ITSN1: variants seen among roughly 807,000 people sequenced by gnomAD.
ITSN1 encodes the protein intersectin 1, also known as intersectin-1.
A neutral mutation model predicts 239.8 loss-of-function variants in ITSN1; 58 were observed. The ratio of observed to expected loss-of-function variants is 0.24; its 90% CI spans 0.20 to 0.30. ITSN1 has a LOEUF of 0.30. ITSN1 is among the 10% of genes least tolerant of loss of function. The pLI is 1.00. For missense variants in ITSN1, 1,558 were observed against 2,103.3 expected, an observed-to-expected ratio of 0.74 and a Z score of 5.07; for synonymous variants, 780 against 770.8, an observed-to-expected ratio of 1.01 and a Z score of -0.20.
At chr21:33,813,850 T>G in intron 21 of ITSN1, 63 bp from the exon 22 acceptor site, 6 of 1,394,690 alleles carry the variant, frequency 4.3e-6, no homozygotes, top group South Asian at 1.6e-5. Context: ...TACTTTACTG[T>G]GGGTAAAAAG....
At chr21:33,680,401 G>C (rs544197645) in intron 1 of ITSN1, among the ~76,000 whole-genome samples, 1 of 150,306 alleles carries the variant, frequency 6.7e-6, no homozygotes, top group Admixed American at 6.6e-5. Context: ...GCGCAATCTC[G>C]GCTCACTGCA....
intron 1 of ITSN1, among the ~76,000 whole-genome samples, chr21:33,717,397 A>G (rs904879164): frequency 1.3e-5 from 2 of 151,742 alleles, no homozygotes; most frequent in African/African-American, 4.8e-5. Context: ...GGGTTTTGCC[A>G]TGTTGCCCAG....
At chr21:33,751,962 T>A in intron 7 of ITSN1, 56 bp downstream of exon 7, 1 of 1,128,010 alleles carries the variant, frequency 8.9e-7, no homozygotes, top group Non-Finnish European at 1.3e-6. Context: ...CCTGATTAAA[T>A]CATAAATTTG....
intron 31 of ITSN1, among the ~76,000 whole-genome samples, chr21:33,863,994 A>G (rs931380290): frequency 6.6e-6 from 1 of 152,250 alleles, no homozygotes; most frequent in African/African-American, 2.4e-5. Context: ...CACATCATTT[A>G]TGGTCCCTAA....
At chr21:33,829,489 C>CAAA in intron 26 of ITSN1, 135 bp from the exon 27 acceptor site, 1 of 901,468 alleles carries the variant, frequency 1.1e-6, no homozygotes. Context: ...GAGCCTTACT[C>CAAA]GTTGGGTAGA....
At chr21:33,731,684 C>G (rs945927365) in intron 4 of ITSN1, among the ~76,000 whole-genome samples, 2 of 152,132 alleles carry the variant, frequency 1.3e-5, no homozygotes, top group Non-Finnish European at 1.5e-5. Flanking sequence ...GTCATTATTT[C>G]AGCAGATAAA....
At chr21:33,759,758 A>C (rs2068162425) in intron 8 of ITSN1, among the ~76,000 whole-genome samples, 1 of 152,208 alleles carries the variant, frequency 6.6e-6, no homozygotes, top group Admixed American at 6.5e-5. Flanking sequence ...TAGAATGCTC[A>C]CTATTAATAG....
chr21:33,878,296 G>T (rs916382594), intron 34 of ITSN1, among the ~76,000 whole-genome samples: 3 of 152,092 alleles, frequency 2.0e-5, no homozygotes, highest in Non-Finnish European at 4.4e-5. Flanking sequence ...ACCTCCCAAA[G>T]TGCTGGGATT....
In ITSN1 at chr21:33,882,129, T is replaced by C. The variant is rs1467942456; in HGVS notation, c.4342-114T>C. ...CAAAGTCTTCAAAGCTATCCTTGAC[T>C]TTTGCCTGAGATCCGAGTCTGCTGG... On this transcript the variant is annotated intron_variant, in intron 34 of 39. Transcript: ENST00000381318. This position sits in a 1 kb window ranked among gnomAD's most constrained non-coding sequence, Gnocchi z 4.5. 1.2e-6 allele frequency: 1 copy of C among 861,966 alleles called. No individual in the cohort carries two copies. The allele number at this position is 861,966 out of a possible 1,614,324, so 53.4% of individuals were successfully genotyped here.
At chr21:33,718,330 T>C (rs1170081128) in intron 1 of ITSN1, among the ~76,000 whole-genome samples, 1 of 152,186 alleles carries the variant, frequency 6.6e-6, no homozygotes, top group Non-Finnish European at 1.5e-5. Context: ...TCCGTATCCA[T>C]GGGTTTCACA....
intron 5 of ITSN1, among the ~76,000 whole-genome samples, chr21:33,745,893 A>G (rs1031883263): frequency 6.6e-6 from 1 of 152,232 alleles, no homozygotes; most frequent in African/African-American, 2.4e-5. Flanking sequence ...GCATGCACGT[A>G]TAGAGAATAT....
chr21:33,819,152 G>T, intron 23 of ITSN1, 89 bp from the exon 24 acceptor site: 36 of 946,430 alleles, frequency 3.8e-5, no homozygotes, highest in East Asian at 1.0e-4. Context: ...AGTTTTAAAA[G>T]TTAAGCAGTT....
intron 22 of ITSN1, among the ~76,000 whole-genome samples, chr21:33,816,019 TA>T (rs895767625): frequency 6.6e-6 from 1 of 151,496 alleles, no homozygotes; most frequent in Admixed American, 6.6e-5. Context: ...TCATCTCTAC[TA>T]AAAAAAATAA....
chr21:33,680,335 CTT>C (rs766411012), intron 1 of ITSN1, among the ~76,000 whole-genome samples: 25 of 138,474 alleles, frequency 1.8e-4, no homozygotes, highest in Admixed American at 2.9e-4. Flanking sequence ...TTTCTTTTTT[CTT>C]TTTTTTTTTT....
At chr21:33,658,851 C>T (rs1642100042) in intron 1 of ITSN1, among the ~76,000 whole-genome samples, 1 of 152,128 alleles carries the variant, frequency 6.6e-6, no homozygotes, top group African/African-American at 2.4e-5. Flanking sequence ...GTTCCTGATT[C>T]CTAGCACATA....
At position 33,811,137 on chromosome 21, in the gene ITSN1, G is replaced by A. The variant is rs760841811; in HGVS notation, c.2482G>A (p.Ala828Thr). 105 of 1,611,894 alleles carry A rather than the reference G, an allele frequency of 6.5e-5. No homozygotes were observed. Among genetic ancestry groups the A allele is most frequent in the Admixed American group, 8.4e-5 (5 of 59,638 alleles). Residue 828 changes from alanine (A) to threonine (T), a missense_variant, in exon 21 of 40, where the codon GCC (alanine) becomes ACC (threonine). Transcript: ENST00000381318. ...AACATCTGCCCCTGCCCCCAAACTG[G>A]CCTTGCGTGAGACCCCCGCCCCTTT... is the stretch of plus-strand genomic sequence containing the variant. ...DSTSAPAPKL[A>T]LRETPAPLAV... is the part of the protein sequence containing the mutation.
intron 5 of ITSN1, among the ~76,000 whole-genome samples, chr21:33,736,163 G>GTTAA (rs1216651582): frequency 1.3e-5 from 2 of 152,182 alleles, no homozygotes; most frequent in Non-Finnish European, 2.9e-5. Context: ...GATTCATGGG[G>GTTAA]AGGTTCTTTA....
chr21:33,741,984 T>G (rs895555902), intron 5 of ITSN1, among the ~76,000 whole-genome samples: 1 of 151,880 alleles, frequency 6.6e-6, no homozygotes. Context: ...GCAAAAAGAC[T>G]TAAAAAGTAA....
At chr21:33,850,390 TC>T (rs958708009) in intron 29 of ITSN1, among the ~76,000 whole-genome samples, 1 of 152,166 alleles carries the variant, frequency 6.6e-6, no homozygotes, top group African/African-American at 2.4e-5. Flanking sequence ...GGGCATTCCT[TC>T]CCCTCTCACC....
Sources: gnomAD v4.1 joint callset for allele counts (sites outside exome capture counted in the v4.1 genomes callset) on GRCh38, gnomAD v4.1.1 for gene constraint, Gnocchi (gnomAD v3.1) non-coding constraint, MANE v1.5 for transcripts, NCBI Gene and HGNC (gene_info 2026-07-23, HGNC 2026-07-21) for gene names.